CNTNAP5: variants seen among roughly 807,000 people sequenced by gnomAD.
CNTNAP5 encodes contactin-associated protein-like 5.
CNTNAP5 carries 72 observed loss-of-function variants against 150.2 expected under a neutral mutation model. The observed-to-expected ratio is 0.48, with a 90% CI of 0.40 to 0.58. CNTNAP5 has a LOEUF of 0.58. Among genes scored for constraint, CNTNAP5 ranks in the 20% least tolerant of loss-of-function variants. The probability of loss-of-function intolerance (pLI) is 0.00; values close to 1 mark genes in which losing one functional copy is unlikely to be tolerated. For synonymous variants in CNTNAP5, 672 were observed against 619.8 expected, an observed-to-expected ratio of 1.08 and a Z score of -1.25; for missense variants, 1,636 against 1,626.2, an observed-to-expected ratio of 1.01 and a Z score of -0.10.
intron 11 of CNTNAP5, among the ~76,000 whole-genome samples, chr2:124,575,127 A>G (rs1696252094): frequency 6.6e-6 from 1 of 152,160 alleles, no homozygotes; most frequent in African/African-American, 2.4e-5. Context: ...GTACAGAGGA[A>G]AGTCATGAGA....
intron 3 of CNTNAP5, among the ~76,000 whole-genome samples, chr2:124,317,429 CA>C (rs924646083): frequency 1.5e-4 from 23 of 152,268 alleles, no homozygotes; most frequent in African/African-American, 4.6e-4. Flanking sequence ...GAGCCTGAGA[CA>C]GACCACTTTG....
chr2:124,168,204 G>A (rs766995293), intron 1 of CNTNAP5, among the ~76,000 whole-genome samples: 2 of 152,086 alleles, frequency 1.3e-5, no homozygotes, highest in Non-Finnish European at 2.9e-5. Context: ...GAAAACTGGC[G>A]CTCTGTGTTT....
intron 10 of CNTNAP5, among the ~76,000 whole-genome samples, chr2:124,558,835 T>TAG: frequency 6.6e-6 from 1 of 152,260 alleles, no homozygotes; most frequent in African/African-American, 2.4e-5. Flanking sequence ...AAGGCTGACC[T>TAG]AGAGAGAGCA....
chr2:124,911,950 C>T (rs902427394), intron 23 of CNTNAP5, among the ~76,000 whole-genome samples: 5 of 152,076 alleles, frequency 3.3e-5, no homozygotes, highest in African/African-American at 4.8e-5. Flanking sequence ...GTATTCCCCA[C>T]CAAGTGATTT....
chr2:124,777,416 C>A (rs767373902), intron 17 of CNTNAP5, among the ~76,000 whole-genome samples: 5 of 152,038 alleles, frequency 3.3e-5, no homozygotes, highest in Non-Finnish European at 5.9e-5. Context: ...TCTCCATCGC[C>A]CAGGCTGGAG....
intron 3 of CNTNAP5, among the ~76,000 whole-genome samples, chr2:124,395,758 C>T (rs1419364340): frequency 2.0e-5 from 3 of 152,180 alleles, no homozygotes; most frequent in Admixed American, 1.3e-4. Context: ...AACTAATATG[C>T]ATGCATATAT....
At chr2:124,181,455 C>CT (rs926348903) in intron 1 of CNTNAP5, among the ~76,000 whole-genome samples, 71 of 139,592 alleles carry the variant, frequency 5.1e-4, no homozygotes, top group South Asian at 2.8e-3. Flanking sequence ...TCAGGTTTTC[C>CT]TTTTTTTTTT....
At chr2:124,675,625 A>G (rs1430428927) in intron 13 of CNTNAP5, among the ~76,000 whole-genome samples, 2 of 152,112 alleles carry the variant, frequency 1.3e-5, no homozygotes, top group African/African-American at 2.4e-5. Flanking sequence ...GCTTTTGTGC[A>G]ACATATTTTA....
chr2:124,091,069 G>A (rs919985426), intron 1 of CNTNAP5, among the ~76,000 whole-genome samples: 3 of 152,166 alleles, frequency 2.0e-5, no homozygotes, highest in Non-Finnish European at 2.9e-5. Flanking sequence ...ATGAGGAAGC[G>A]AAAATGCAGG....
At chr2:124,296,474 T>G (rs148282956) in intron 3 of CNTNAP5, among the ~76,000 whole-genome samples, 2 of 152,326 alleles carry the variant, frequency 1.3e-5, no homozygotes, top group Non-Finnish European at 2.9e-5. Flanking sequence ...GAACACTGTC[T>G]TTGTCACCAC....
At chr2:124,778,565 C>T (rs1681376475) in intron 17 of CNTNAP5, 1 of 153,996 alleles carries the variant, frequency 6.5e-6, no homozygotes, top group Non-Finnish European at 1.5e-5. Context: ...GTTTGATCAT[C>T]CTGTCAATCC....
At chr2:124,169,276 C>T (rs181986662) in intron 1 of CNTNAP5, among the ~76,000 whole-genome samples, 22 of 151,976 alleles carry the variant, frequency 1.4e-4, no homozygotes, top group African/African-American at 3.6e-4. Context: ...GGGACTGGCT[C>T]GGGGATGTTG....
chr2:124,260,935 A>G (rs1278808780), intron 3 of CNTNAP5, among the ~76,000 whole-genome samples: 1 of 152,098 alleles, frequency 6.6e-6, no homozygotes. Flanking sequence ...AAATGACTGT[A>G]TTTACCAAAT....
chr2:124,548,148 G>A (rs1215356681), intron 10 of CNTNAP5, among the ~76,000 whole-genome samples: 1 of 152,146 alleles, frequency 6.6e-6, no homozygotes, highest in African/African-American at 2.4e-5. Context: ...AGGATTTAGT[G>A]TTTTCCTCTT....
At chr2:124,816,473 C>CTTT (rs34089178) in intron 19 of CNTNAP5, among the ~76,000 whole-genome samples, 3,086 of 107,548 alleles carry the variant, frequency 0.029, 259 homozygotes, top group African/African-American at 0.098. Context: ...TTGCAGCTTA[C>CTTT]TTTTTTTTTT....
At chr2:124,402,471 C>A (rs1365659950) in intron 3 of CNTNAP5, among the ~76,000 whole-genome samples, 1 of 152,196 alleles carries the variant, frequency 6.6e-6, no homozygotes, top group Non-Finnish European at 1.5e-5. Context: ...ACTAGCACAG[C>A]TCTGAGAGCC....
At chr2:124,607,853 A>G (rs1677287567) in intron 11 of CNTNAP5, among the ~76,000 whole-genome samples, 4 of 152,156 alleles carry the variant, frequency 2.6e-5, no homozygotes, top group Admixed American at 2.6e-4. Flanking sequence ...TTTGTGACAA[A>G]CACCCAAGGG....
chr2:124,510,480 T>TATAC (rs1694555076), intron 8 of CNTNAP5, among the ~76,000 whole-genome samples: 1 of 12,806 alleles, frequency 7.8e-5, no homozygotes, highest in South Asian at 1.5e-3. Context: ...TGTATGTGTA[T>TATAC]ATATATATAT....
chr2:124,337,773 G>A (rs1460767063), intron 3 of CNTNAP5, among the ~76,000 whole-genome samples: 1 of 151,974 alleles, frequency 6.6e-6, no homozygotes. Flanking sequence ...TTTGGTTACT[G>A]TAGCCTTGTA....
Sources: allele counts gnomAD v4.1 joint callset (sites outside exome capture counted in the v4.1 genomes callset), GRCh38; gene constraint gnomAD v4.1.1; transcripts MANE v1.5; gene names NCBI Gene and HGNC (gene_info 2026-07-23, HGNC 2026-07-21).